ST6GALNAC5: variants seen among roughly 807,000 people sequenced by gnomAD.
ST6GALNAC5 encodes ST6 N-acetylgalactosaminide alpha-2,6-sialyltransferase 5.
ST6GALNAC5 carries 27 observed loss-of-function variants against 33.6 expected under a neutral mutation model. The observed-to-expected ratio is 0.80, with a 90% CI of 0.59 to 1.11. ST6GALNAC5 has a LOEUF of 1.11. Ranked by LOEUF, ST6GALNAC5 falls within the 50% of genes least tolerant of loss-of-function variation. The pLI, the probability that ST6GALNAC5 is intolerant of heterozygous loss-of-function variation, is 0.00. For missense variants in ST6GALNAC5, 428 were observed against 454.0 expected (o/e 0.94, Z 0.52); for synonymous variants, 194 against 171.2 (o/e 1.13, Z -1.04).
At chr1:76,936,063 A>G (rs1241177502) in intron 2 of ST6GALNAC5, among the ~76,000 whole-genome samples, 1 of 152,042 alleles carries the variant, frequency 6.6e-6, no homozygotes, top group African/African-American at 2.4e-5. Context: ...TCTGAACCCT[A>G]GTGTAGTGGA....
chr1:76,951,213 G>C (rs1647729468), intron 2 of ST6GALNAC5, among the ~76,000 whole-genome samples: 1 of 152,114 alleles, frequency 6.6e-6, no homozygotes, highest in Non-Finnish European at 1.5e-5. Flanking sequence ...GCTTCAAAAG[G>C]TAAAAGCCAG....
chr1:76,958,606 G>A (rs1380402465), intron 2 of ST6GALNAC5, among the ~76,000 whole-genome samples: 1 of 152,042 alleles, frequency 6.6e-6, no homozygotes, highest in Non-Finnish European at 1.5e-5. Context: ...GAAGTTTTTT[G>A]TTGTTGTTTT....
At chr1:76,980,523 T>C (rs1649207151) in intron 2 of ST6GALNAC5, among the ~76,000 whole-genome samples, 1 of 152,212 alleles carries the variant, frequency 6.6e-6, no homozygotes, top group African/African-American at 2.4e-5. Context: ...TTTAGCACTA[T>C]ATATTTTGCT....
intron 2 of ST6GALNAC5, among the ~76,000 whole-genome samples, chr1:76,923,452 G>C (rs919312795): frequency 6.6e-6 from 1 of 152,014 alleles, no homozygotes; most frequent in Admixed American, 6.6e-5. Context: ...CAGCACTTTG[G>C]GAGGCTGAGG....
In ST6GALNAC5 at chr1:76,913,718, A is replaced by G. The variant is rs1199987137; in HGVS notation, c.261+44976A>G. On this transcript the variant is annotated intron_variant, in intron 2 of 4. Coordinates refer to ENST00000477717, the MANE Select transcript of ST6GALNAC5 (RefSeq NM_030965.3). Reference sequence around the variant, plus strand: ...TCTTCCAGTTGATGGCATCGGCTCCAAACCCACAGGCAATATCATACTGAA... The same window carrying G: ...TCTTCCAGTTGATGGCATCGGCTCCGAACCCACAGGCAATATCATACTGAA... Among the ~76,000 whole-genome samples the G allele has an allele frequency of 2.0e-5, 3 of 152,010 alleles. No homozygotes were observed. In the East Asian group the frequency reaches 5.8e-4, roughly 29 times the overall value.
chr1:76,928,590 G>A (rs9658901), intron 2 of ST6GALNAC5, among the ~76,000 whole-genome samples: 2,036 of 152,214 alleles, frequency 0.013, 49 homozygotes, highest in African/African-American at 0.046. Flanking sequence ...AGATGAGTGA[G>A]TCCATCCCAA....
intron 2 of ST6GALNAC5, among the ~76,000 whole-genome samples, chr1:76,913,179 GC>G (rs1646931903): frequency 6.6e-6 from 1 of 151,176 alleles, no homozygotes. Context: ...CACTTATGAA[GC>G]TTAGTTTGGC....
intron 2 of ST6GALNAC5, among the ~76,000 whole-genome samples, chr1:77,023,341 C>T (rs1651121669): frequency 6.6e-6 from 1 of 152,214 alleles, no homozygotes; most frequent in Non-Finnish European, 1.5e-5. Context: ...CCCCCTTGCA[C>T]ATCCCTAGGT....
intron 2 of ST6GALNAC5, among the ~76,000 whole-genome samples, chr1:76,891,289 C>G (rs957285705): frequency 5.3e-5 from 8 of 152,100 alleles, no homozygotes; most frequent in African/African-American, 1.9e-4. Context: ...CTTAGCCATC[C>G]TATCAGGTAT....
chr1:76,969,418 C>T (rs1648644395), intron 2 of ST6GALNAC5, among the ~76,000 whole-genome samples: 1 of 152,214 alleles, frequency 6.6e-6, no homozygotes, highest in Non-Finnish European at 1.5e-5. Context: ...TGGAGCCTTG[C>T]TCACTGCTAG....
intron 2 of ST6GALNAC5, among the ~76,000 whole-genome samples, chr1:76,921,946 A>G (rs1766285): frequency 0.61 from 92,050 of 151,990 alleles, 28,511 homozygotes; most frequent in African/African-American, 0.72. Context: ...TTAAGATCAG[A>G]AACAATGAAA....
rs768452537 is a variant in ST6GALNAC5, at chr1:77,044,436, G to A, written c.494G>A (p.Gly165Asp). 4 of 1,613,294 alleles carry A rather than the reference G, an allele frequency of 2.5e-6. No homozygotes were observed. Among genetic ancestry groups the A allele is most frequent in the Non-Finnish European group, 3.4e-6 (4 of 1,179,608 alleles). ...NRHDLLNVSQ[G>D]TVFIFWGPSS... ...CATGACCTGCTCAACGTGAGCCAGGGCACCGTGTTCATCTTCTGGGGCCCC... is the reference window on the plus strand; with the variant it reads ...CATGACCTGCTCAACGTGAGCCAGGACACCGTGTTCATCTTCTGGGGCCCC... The change falls in exon 3 of 5, where the codon GGC becomes GAC. Residue 165 changes from glycine (G) to aspartate (D), a missense_variant. Transcript: ENST00000477717.
intron 2 of ST6GALNAC5, among the ~76,000 whole-genome samples, chr1:76,980,684 T>C (rs1003618447): frequency 1.3e-5 from 2 of 152,148 alleles, no homozygotes; most frequent in Non-Finnish European, 2.9e-5. Context: ...AAGAAGGGAA[T>C]GGAACCACCT....
chr1:76,928,779 C>T (rs910334378), intron 2 of ST6GALNAC5, among the ~76,000 whole-genome samples: 1 of 152,094 alleles, frequency 6.6e-6, no homozygotes, highest in African/African-American at 2.4e-5. Context: ...TGATTAATCA[C>T]TTCCAAGGCT....
At chr1:76,937,147 A>G (rs34488644) in intron 2 of ST6GALNAC5, among the ~76,000 whole-genome samples, 87,137 of 151,748 alleles carry the variant, frequency 0.57, 25,281 homozygotes, top group South Asian at 0.6. Flanking sequence ...CAGCACTAAT[A>G]GAAGCCAAAG....
chr1:76,983,975 C>A (rs1649371403), intron 2 of ST6GALNAC5, among the ~76,000 whole-genome samples: 2 of 152,198 alleles, frequency 1.3e-5, no homozygotes, highest in Admixed American at 6.5e-5. Context: ...AGAACAAAGA[C>A]ACAACGTGTC....
chr1:76,980,350 C>T (rs568877666), intron 2 of ST6GALNAC5, among the ~76,000 whole-genome samples: 1 of 152,182 alleles, frequency 6.6e-6, no homozygotes, highest in South Asian at 2.1e-4. Context: ...TTGTTAATTT[C>T]TCATTTTTTG....
chr1:77,016,729 C>G (rs1234605792), intron 2 of ST6GALNAC5, among the ~76,000 whole-genome samples: 1 of 152,114 alleles, frequency 6.6e-6, no homozygotes, highest in African/African-American at 2.4e-5. Context: ...ACATCTTTTT[C>G]TTTTTAGAAT....
chr1:76,905,708 CAA>C (rs1646858242), intron 2 of ST6GALNAC5, among the ~76,000 whole-genome samples: 1 of 152,152 alleles, frequency 6.6e-6, no homozygotes, highest in Non-Finnish European at 1.5e-5. Context: ...TTCTGTATTG[CAA>C]AGTTATTTTA....
Sources: allele counts gnomAD v4.1 joint callset (sites outside exome capture counted in the v4.1 genomes callset), GRCh38; gene constraint gnomAD v4.1.1; transcripts MANE v1.5; gene names NCBI Gene and HGNC (gene_info 2026-07-23, HGNC 2026-07-21).